The following ZNF704 variants were observed in gnomAD, a reference collection of about 807,000 sequenced individuals.
The protein encoded by ZNF704 is zinc finger protein 704.
Under a neutral mutation model 44.7 loss-of-function variants are expected in ZNF704, and 10 were observed. The observed-to-expected ratio is 0.22, with a 90% CI of 0.14 to 0.38. The LOEUF (loss-of-function observed/expected upper bound fraction) is 0.38. ZNF704 is among the 10% of genes least tolerant of loss of function. ZNF704 has a pLI of 1.00. For missense variants in ZNF704, 390 were observed against 545.5 expected, an observed-to-expected ratio of 0.71 and a Z score of 2.84; for synonymous variants, 211 against 207.6, an observed-to-expected ratio of 1.02 and a Z score of -0.14.
At chr8:80,790,633 C>A (rs533911760) in intron 2 of ZNF704, among the ~76,000 whole-genome samples, 5 of 152,086 alleles carry the variant, frequency 3.3e-5, no homozygotes, top group African/African-American at 7.2e-5. Context: ...GGGAGGAGTG[C>A]AAGAGCGGGA....
chr8:80,664,716 T>C lies in ZNF704; in HGVS notation c.927+99A>G. Reference sequence around the variant, plus strand: ...AAAGCTACCGGGCTGCCGTGTGTGATGCTGTTTTTCCACTGAGTTGTCTTT... The same window carrying C: ...AAAGCTACCGGGCTGCCGTGTGTGACGCTGTTTTTCCACTGAGTTGTCTTT... On this transcript the variant is annotated intron_variant, in intron 6 of 8. Transcript: ENST00000327835. 6 of 1,444,758 alleles carry C rather than the reference T, an allele frequency of 4.2e-6. No homozygotes were observed. The South Asian group carries it at 6.2e-5, about 15-fold the overall frequency. 89.5% of individuals were successfully genotyped at this position (1,444,758 alleles called of 1,614,324 possible). A position where few individuals can be genotyped will look rare whatever the true frequency, so the allele number is the denominator to read the frequency against.
At chr8:80,883,468 A>G in the ZNF704 span, among the ~76,000 whole-genome samples, 1 of 152,190 alleles carries the variant, frequency 6.6e-6, no homozygotes, top group Non-Finnish European at 1.5e-5. Flanking sequence ...CACCAGCCAC[A>G]TGCAGCTATG....
chr8:80,868,630 C>T (rs1809197879), intron 1 of ZNF704, among the ~76,000 whole-genome samples: 1 of 152,200 alleles, frequency 6.6e-6, no homozygotes, highest in Non-Finnish European at 1.5e-5. Flanking sequence ...GTAAGATCCT[C>T]CTTCATATAA....
At chr8:80,731,289 T>C (rs1445255096) in intron 2 of ZNF704, among the ~76,000 whole-genome samples, 1 of 152,178 alleles carries the variant, frequency 6.6e-6, no homozygotes, top group Non-Finnish European at 1.5e-5. Context: ...AAAAGCAAAA[T>C]TGGCAGTTTT....
At chr8:80,781,396 G>A (rs1321786806) in intron 2 of ZNF704, among the ~76,000 whole-genome samples, 2 of 152,108 alleles carry the variant, frequency 1.3e-5, no homozygotes, top group African/African-American at 4.8e-5. Flanking sequence ...GCATGACTGT[G>A]TTCAATATTT....
intron 2 of ZNF704, among the ~76,000 whole-genome samples, chr8:80,820,580 C>T (rs978186739): frequency 2.6e-5 from 4 of 151,608 alleles, no homozygotes; most frequent in Non-Finnish European, 4.4e-5. Flanking sequence ...TGCTCTGTGT[C>T]GCCTATTCTT....
chr8:80,783,901 C>A (rs1160526680), intron 2 of ZNF704, among the ~76,000 whole-genome samples: 1 of 152,180 alleles, frequency 6.6e-6, no homozygotes. Context: ...CTTCCTCCAA[C>A]CCCTGGCAAC....
At chr8:80,849,755 A>AGAT (rs2129994827) in intron 1 of ZNF704, among the ~76,000 whole-genome samples, 1 of 152,310 alleles carries the variant, frequency 6.6e-6, no homozygotes, top group South Asian at 2.1e-4. Flanking sequence ...CTGGCTCTGA[A>AGAT]GATGATGAGG....
At chr8:80,865,110 TAAG>T (rs1809132676) in intron 1 of ZNF704, among the ~76,000 whole-genome samples, 1 of 152,206 alleles carries the variant, frequency 6.6e-6, no homozygotes, top group Admixed American at 6.5e-5. Context: ...GTAGCATTAA[TAAG>T]GAGGTTGTAA....
At chr8:80,712,310 C>G (rs1818999495) in intron 2 of ZNF704, among the ~76,000 whole-genome samples, 1 of 152,210 alleles carries the variant, frequency 6.6e-6, no homozygotes, top group African/African-American at 2.4e-5. Flanking sequence ...TTCCCAGCCT[C>G]CAAAACTGTA....
At chr8:80,717,240 T>G (rs1320523125) in intron 2 of ZNF704, among the ~76,000 whole-genome samples, 2 of 152,252 alleles carry the variant, frequency 1.3e-5, no homozygotes, top group African/African-American at 4.8e-5. Flanking sequence ...CTCTGGTTGC[T>G]CTGCCACACC....
Position 80,733,055 on chromosome 8 carries a change from T to C in ZNF704, c.222-39948A>G, listed in dbSNP as rs370168653. The stretch of plus-strand genomic sequence containing the variant: ...AAAGATTAAATGATTTTTGCTGCTT[T>C]AAGTCACTGAGGCTTGGGGTGATTT... On this transcript the variant is annotated intron_variant, in intron 2 of 8. Transcript: ENST00000327835. Among the ~76,000 whole-genome samples the C allele has an allele frequency of 3.3e-5, 5 of 152,058 alleles. No homozygotes were observed. In the East Asian group the frequency reaches 5.8e-4, roughly 18 times the overall value.
intron 1 of ZNF704, among the ~76,000 whole-genome samples, chr8:80,834,548 A>T (rs141261512): frequency 0.016 from 2,414 of 152,180 alleles, 30 homozygotes; most frequent in Non-Finnish European, 0.025. Context: ...AAGTTCTGGG[A>T]TACATGTGCA....
At position 80,631,488 on chromosome 8, in the gene ZNF704, T is replaced by C. The variant is rs997685366; in HGVS notation, c.*9878A>G. 2 of 152,234 alleles carry C rather than the reference T, an allele frequency of 1.3e-5. No individual in the cohort carries two copies. Among genetic ancestry groups the C allele is most frequent in the African/African-American group, 4.8e-5 (2 of 41,454 alleles). 9.4% of individuals were successfully genotyped at this position (152,234 alleles called of 1,614,324 possible). A position where few individuals can be genotyped will look rare whatever the true frequency, so the allele number is the denominator to read the frequency against. On this transcript the variant is annotated 3_prime_UTR_variant, in exon 9 of 9. Coordinates refer to ENST00000327835, the MANE Select transcript of ZNF704 (RefSeq NM_001033723.3). ...CCAATTCTGCTTTCATGCTCTGTAA[T>C]TGTGGGCAGAAGTCAGAGCCTGGAG...
chr8:80,675,626 A>C (rs1184883377), intron 4 of ZNF704, among the ~76,000 whole-genome samples: 1 of 152,192 alleles, frequency 6.6e-6, no homozygotes. Context: ...TTCAAGACAT[A>C]GTTTGGAGGC....
chr8:80,742,967 C>T (rs965203808), intron 2 of ZNF704, among the ~76,000 whole-genome samples: 9 of 152,004 alleles, frequency 5.9e-5, no homozygotes, highest in African/African-American at 2.2e-4. Context: ...CAACTTAGCT[C>T]ACACCCAACC....
At chr8:80,663,044 A>G (rs1818125587) in intron 6 of ZNF704, among the ~76,000 whole-genome samples, 1 of 152,204 alleles carries the variant, frequency 6.6e-6, no homozygotes, top group South Asian at 2.1e-4. Flanking sequence ...ATTTTCTTAA[A>G]ATTTGAATGT....
At chr8:80,883,599 A>G in the ZNF704 span, among the ~76,000 whole-genome samples, 1 of 152,336 alleles carries the variant, frequency 6.6e-6, no homozygotes, top group Middle Eastern at 3.4e-3. Context: ...TGAAGGCTCA[A>G]ACCTTCCAAG....
rs2130090598 is a variant in ZNF704 at position 80,874,470 on chromosome 8, T to G, written c.-22+101A>C. On this transcript the variant is annotated intron_variant, in intron 1 of 8. Coordinates refer to ENST00000327835, the MANE Select transcript of ZNF704 (RefSeq NM_001033723.3). This position sits in a 1 kb window ranked among gnomAD's most constrained non-coding sequence, Gnocchi z 4.4. The stretch of plus-strand genomic sequence containing the variant: ...GCCTCGGCGCGAGCTGTTTGTGTTG[T>G]ATGTTTTCCACCACCGCCCCCCTCT... 1 of 151,568 alleles carries G rather than the reference T, an allele frequency of 6.6e-6. No individual in the cohort carries two copies. Among genetic ancestry groups the G allele is most frequent in the African/African-American group, 2.4e-5 (1 of 41,438 alleles). 9.4% of individuals were successfully genotyped at this position (151,568 alleles called of 1,614,324 possible). A position where few individuals can be genotyped will look rare whatever the true frequency, so the allele number is the denominator to read the frequency against.
Sources: allele counts gnomAD v4.1 joint callset (sites outside exome capture counted in the v4.1 genomes callset), GRCh38; gene constraint gnomAD v4.1.1; non-coding constraint Gnocchi (gnomAD v3.1); transcripts MANE v1.5; gene names NCBI Gene and HGNC (gene_info 2026-07-23, HGNC 2026-07-21).